The following PRKRIP1 variants were observed in gnomAD, a reference collection of about 807,000 sequenced individuals.
PRKRIP1 encodes PRKR interacting protein 1, also known as PRKR-interacting protein 1.
PRKRIP1 carries 29 observed loss-of-function variants against 29.3 expected under a neutral mutation model. The ratio of observed to expected loss-of-function variants is 0.99; its 90% CI spans 0.74 to 1.35. The LOEUF is 1.35. Ranked by LOEUF, PRKRIP1 falls within the 40% of genes most tolerant of loss-of-function variation. PRKRIP1 has a pLI of 0.00. For synonymous variants in PRKRIP1, 90 were observed against 85.1 expected, an observed-to-expected ratio of 1.06 and a Z score of -0.32; for missense variants, 247 against 236.8, an observed-to-expected ratio of 1.04 and a Z score of -0.28.
intron 5 of PRKRIP1, among the ~76,000 whole-genome samples, chr7:102,424,219 G>A (rs974266255): frequency 6.6e-5 from 10 of 152,380 alleles, no homozygotes; most frequent in East Asian, 3.9e-4. Flanking sequence ...CTCAGGGTCT[G>A]TAGTGGGCGT....
intron 5 of PRKRIP1, among the ~76,000 whole-genome samples, chr7:102,419,313 C>T (rs1391995889): frequency 6.6e-6 from 1 of 152,022 alleles, no homozygotes; most frequent in Non-Finnish European, 1.5e-5. Context: ...ACTCAGGAGG[C>T]TGAGGCAGGA....
chr7:102,403,203 A>C (rs1023670831), intron 3 of PRKRIP1, among the ~76,000 whole-genome samples: 2 of 152,134 alleles, frequency 1.3e-5, no homozygotes, highest in African/African-American at 4.8e-5. Context: ...AGCAAATCAG[A>C]TCTTTTAGAT....
chr7:102,411,473 C>T (rs1373588210), intron 5 of PRKRIP1, among the ~76,000 whole-genome samples: 2 of 152,052 alleles, frequency 1.3e-5, no homozygotes, highest in African/African-American at 2.4e-5. Context: ...CAACCTCCAC[C>T]TCCTGGGTTC....
intron 3 of PRKRIP1, 132 bp from the exon 4 acceptor site, chr7:102,404,466 C>T (rs1796158826): frequency 4.3e-6 from 3 of 701,786 alleles, no homozygotes; most frequent in South Asian, 3.6e-5. Context: ...TTAAAATGGC[C>T]CTGGGGACCC....
At chr7:102,397,875 C>T (rs2133161212) in intron 2 of PRKRIP1, among the ~76,000 whole-genome samples, 177 bp downstream of exon 2, 1 of 152,110 alleles carries the variant, frequency 6.6e-6, no homozygotes, top group Non-Finnish European at 1.5e-5. Context: ...GAAACCCCGT[C>T]TCTACTAAAA....
chr7:102,424,959 C>T (rs1265643139), intron 5 of PRKRIP1, 55 bp from the exon 6 acceptor site: 1 of 1,574,352 alleles, frequency 6.4e-7, no homozygotes, highest in Non-Finnish European at 8.6e-7. Context: ...TTTGAAAGCA[C>T]CCTTGACCCT....
At chr7:102,415,732 G>A (rs782194344) in intron 5 of PRKRIP1, among the ~76,000 whole-genome samples, 5 of 152,224 alleles carry the variant, frequency 3.3e-5, no homozygotes, top group Admixed American at 6.5e-5. Flanking sequence ...ACAGACCTTA[G>A]GCACCATGCG....
At chr7:102,417,279 C>T (rs1046621880) in intron 5 of PRKRIP1, among the ~76,000 whole-genome samples, 1 of 152,082 alleles carries the variant, frequency 6.6e-6, no homozygotes, top group Admixed American at 6.6e-5. Context: ...CATATGTTTA[C>T]TCTCTTTTCC....
At position 102,425,104 on chromosome 7, in the gene PRKRIP1, G is replaced by A. The variant is rs942626197; in HGVS notation, c.548G>A (p.Gly183Glu). 6.8e-6 allele frequency: 11 copies of A among 1,612,118 alleles called. No homozygotes were observed. The highest frequency in any genetic ancestry group is 9.3e-6 in the Non-Finnish European group (11 of 1,179,840). ...EEEEVPSFTMGR is the reference protein window; with the variant it reads ...EEEEVPSFTMER ...GAGGAAGTGCCCAGTTTCACCATGG[G>A]GCGATGACAATGTTTGCCACAGCCT... The change falls in exon 6 of 6, where the codon GGG (glycine) becomes GAG (glutamate). Residue 183 changes from glycine (G) to glutamate (E), a missense_variant. Around this residue, in one of 3 missense-constraint regions of PRKRIP1, gnomAD observed 134 missense variants for 126.6 expected, o/e 1.06. Coordinates refer to ENST00000397912, the MANE Select transcript of PRKRIP1 (RefSeq NM_024653.4).
intron 5 of PRKRIP1, among the ~76,000 whole-genome samples, chr7:102,422,190 T>C (rs543228363): frequency 6.7e-6 from 1 of 148,642 alleles, no homozygotes; most frequent in African/African-American, 2.5e-5. Flanking sequence ...ATTATTATTA[T>C]CAGAGACGGA....
Position 102,397,643 on chromosome 7 carries a change from G to T in PRKRIP1, c.150G>T (p.Glu50Asp). ...AGGACAAAGCAGTTCCAATTCCAGA[G>T]AAAATGAGTGAATGGGCACCTCGAC... ...KNPDKAVPIP[E>D]KMSEWAPRPP... Residue 50 changes from glutamate to aspartate, a missense_variant, in exon 2 of 6, where the codon GAG becomes GAT. Around this residue, in one of 3 missense-constraint regions of PRKRIP1, gnomAD observed 105 missense variants for 80.2 expected, o/e 1.31. Transcript: ENST00000397912. 6.2e-7 allele frequency: 1 copy of T among 1,613,990 alleles called. No individual in the cohort carries two copies. Among genetic ancestry groups the T allele is most frequent in the Non-Finnish European group, 8.5e-7 (1 of 1,179,950 alleles).
intron 5 of PRKRIP1, among the ~76,000 whole-genome samples, chr7:102,412,987 T>C (rs1227987925): frequency 1.3e-5 from 2 of 152,186 alleles, no homozygotes; most frequent in African/African-American, 4.8e-5. Flanking sequence ...TATCCTAACA[T>C]AGGCCTGCCC....
intron 5 of PRKRIP1, among the ~76,000 whole-genome samples, chr7:102,419,583 C>T (rs534773180): frequency 2.3e-4 from 35 of 152,286 alleles, no homozygotes; most frequent in Admixed American, 1.2e-3. Context: ...CCCCCAGCCC[C>T]TGGCAGCTGT....
At chr7:102,397,344 C>G (rs1795935218) in intron 1 of PRKRIP1, among the ~76,000 whole-genome samples, 1 of 152,004 alleles carries the variant, frequency 6.6e-6, no homozygotes, top group Non-Finnish European at 1.5e-5. Context: ...GGAAGGAGTT[C>G]AAGACCAGCC....
intron 3 of PRKRIP1, among the ~76,000 whole-genome samples, chr7:102,401,077 A>C (rs539537603): frequency 2.2e-4 from 34 of 152,332 alleles, no homozygotes; most frequent in African/African-American, 7.9e-4. Flanking sequence ...CAAACAAAAA[A>C]ATGATGAATT....
intron 2 of PRKRIP1, among the ~76,000 whole-genome samples, chr7:102,398,544 C>G (rs1464831714): frequency 1.3e-5 from 2 of 152,224 alleles, no homozygotes; most frequent in East Asian, 1.9e-4. Flanking sequence ...CTCAGCCTCC[C>G]AAAATGCTAG....
At position 102,404,683 on chromosome 7, in the gene PRKRIP1, G is replaced by C. The variant is rs372008826; in HGVS notation, c.392G>C (p.Arg131Pro). The change falls in exon 4 of 6, where the codon CGC (arginine) becomes CCC (proline). Residue 131 changes from arginine to proline, a missense_variant and splice_region_variant. Around this residue, in one of 3 missense-constraint regions of PRKRIP1, gnomAD observed 134 missense variants for 126.6 expected, o/e 1.06. Transcript: ENST00000397912. ...EEQTAKRRKK[R>P]QKLKEKKLLA... ...CAGACCGCAAAGCGCCGGAAGAAGC[G>C]GTAAGCGGCATGGCCTAACTGTGAT... 5 of 1,612,898 alleles carry C rather than the reference G, an allele frequency of 3.1e-6. No homozygotes were observed. Among genetic ancestry groups the C allele is most frequent in the Non-Finnish European group, 4.2e-6 (5 of 1,179,398 alleles).
chr7:102,404,017 T>C (rs1796141052), intron 3 of PRKRIP1, among the ~76,000 whole-genome samples: 1 of 152,104 alleles, frequency 6.6e-6, no homozygotes, highest in Admixed American at 6.6e-5. Context: ...AACATAAAAA[T>C]TAGCCAGATG....
chr7:102,399,682 G>T, intron 3 of PRKRIP1, 34 bp downstream of exon 3: 3 of 1,517,608 alleles, frequency 2.0e-6, no homozygotes, highest in Non-Finnish European at 2.7e-6. Context: ...GAGCCCCCAT[G>T]TTTGGGCAGT....
Sources: gnomAD v4.1 joint callset for allele counts (sites outside exome capture counted in the v4.1 genomes callset) on GRCh38, gnomAD v4.1.1 for gene constraint, gnomAD v4.1.1 regional missense constraint, MANE v1.5 for transcripts, NCBI Gene and HGNC (gene_info 2026-07-23, HGNC 2026-07-21) for gene names.